The following CHST11 variants were observed in gnomAD, a reference collection of about 807,000 sequenced individuals.
CHST11 encodes C4S-1.
A neutral mutation model predicts 30.4 loss-of-function variants in CHST11; 9 were observed. The ratio of observed to expected loss-of-function variants is 0.30; its 90% CI spans 0.18 to 0.52. The LOEUF (loss-of-function observed/expected upper bound fraction) is 0.52. Ranked by LOEUF, CHST11 falls within the 20% of genes least tolerant of loss-of-function variation. The probability of loss-of-function intolerance (pLI) is 0.97; values close to 1 mark genes in which losing one functional copy is unlikely to be tolerated. For synonymous variants in CHST11, 152 were observed against 187.8 expected (o/e 0.81, Z 1.56); for missense variants, 348 against 460.6 (o/e 0.76, Z 2.24).
intron 2 of CHST11, among the ~76,000 whole-genome samples, chr12:104,637,771 C>CA (rs2136072518): frequency 6.6e-6 from 1 of 152,334 alleles, no homozygotes; most frequent in South Asian, 2.1e-4. Flanking sequence ...CTCTGACCTT[C>CA]AACCCATCTG....
At chr12:104,605,152 C>CAAA (rs3039180) in intron 2 of CHST11, among the ~76,000 whole-genome samples, 3 of 93,510 alleles carry the variant, frequency 3.2e-5, no homozygotes, top group Non-Finnish European at 4.5e-5. Flanking sequence ...ATCCCCTCTC[C>CAAA]AAAAAAAAAA....
At chr12:104,481,258 G>A (rs1281624681) in intron 1 of CHST11, among the ~76,000 whole-genome samples, 3 of 152,090 alleles carry the variant, frequency 2.0e-5, no homozygotes, top group Admixed American at 1.3e-4. Flanking sequence ...CTGGACTTGC[G>A]CCACTCTGCC....
At chr12:104,678,633 T>C (rs190671588) in intron 2 of CHST11, among the ~76,000 whole-genome samples, 120 of 152,352 alleles carry the variant, frequency 7.9e-4, no homozygotes, top group Admixed American at 2.5e-3. Flanking sequence ...GTATCAGTTA[T>C]CCGTTGCTAC....
intron 1 of CHST11, chr12:104,553,246 T>G (rs2038421634): frequency 2.0e-5 from 3 of 152,136 alleles, no homozygotes; most frequent in Admixed American, 2.0e-4. Context: ...ATGGTGGTGG[T>G]GGGGATGGTT....
At chr12:104,640,795 A>T (rs1370590267) in intron 2 of CHST11, among the ~76,000 whole-genome samples, 2 of 152,228 alleles carry the variant, frequency 1.3e-5, no homozygotes, top group Admixed American at 6.5e-5. Context: ...CAAGATATTA[A>T]TGATAGGGAC....
Position 104,561,066 on chromosome 12 carries a change from C to G in CHST11, c.119-40840C>G, listed in dbSNP as rs183364291. 3.3e-5 allele frequency among the ~76,000 whole-genome samples: 5 copies of G among 152,298 alleles called. No individual in the cohort carries two copies. The East Asian group carries it at 9.6e-4, about 29-fold the overall frequency. On this transcript the variant is annotated intron_variant, in intron 1 of 2. Coordinates refer to ENST00000303694, the MANE Select transcript of CHST11 (RefSeq NM_018413.6). The stretch of plus-strand genomic sequence containing the variant: ...ACTTCCTTATGGTACTTTTTCCCAT[C>G]TGCGAGATGAGTAAGATAATTTTAC...
At chr12:104,514,307 G>C in intron 1 of CHST11, 1 of 916,192 alleles carries the variant, frequency 1.1e-6, no homozygotes, top group Non-Finnish European at 1.8e-6. Flanking sequence ...TTGGCAGCCT[G>C]ATCATTGGCT....
Position 104,512,342 on chromosome 12 carries a change from G to A in CHST11, c.118+54813G>A, listed in dbSNP as rs376626716. Reference sequence around the variant, plus strand: ...TAGTAGTATCTGTGATATCATTTAGGGCTCCTGTTTTATAGATTCAGTTCC... The same window carrying A: ...TAGTAGTATCTGTGATATCATTTAGAGCTCCTGTTTTATAGATTCAGTTCC... On this transcript the variant is annotated intron_variant, in intron 1 of 2. Coordinates refer to ENST00000303694, the MANE Select transcript of CHST11 (RefSeq NM_018413.6). 4.3e-4 allele frequency among the ~76,000 whole-genome samples: 65 copies of A among 152,226 alleles called. 1 individual carries two copies. The highest frequency in any genetic ancestry group is 1.5e-3 in the African/African-American group (61 of 41,518).
chr12:104,688,159 A>G (rs1249078716), intron 2 of CHST11, among the ~76,000 whole-genome samples: 1 of 152,162 alleles, frequency 6.6e-6, no homozygotes, highest in Non-Finnish European at 1.5e-5. Flanking sequence ...AACAATAGGG[A>G]CCATTTTAAA....
intron 2 of CHST11, among the ~76,000 whole-genome samples, chr12:104,679,710 T>C (rs540206694): frequency 5.9e-5 from 9 of 152,154 alleles, no homozygotes; most frequent in Non-Finnish European, 1.2e-4. Flanking sequence ...CAGGCATCTT[T>C]CTTTCCCTTT....
Position 104,695,301 on chromosome 12 carries a change from G to A in CHST11, c.205-61648G>A, listed in dbSNP as rs932713071. Among the ~76,000 whole-genome samples the A allele has an allele frequency of 5.9e-5, 9 of 152,296 alleles. No individual in the cohort carries two copies. The South Asian group carries it at 1.9e-3, about 32-fold the overall frequency. The stretch of plus-strand genomic sequence containing the variant: ...CTCAGCTCAGCCCCCTCCAAGGCCT[G>A]ATAGTTTGAAGGCACTGAGGTAGAG... On this transcript the variant is annotated intron_variant, in intron 2 of 2. Coordinates refer to ENST00000303694, the MANE Select transcript of CHST11 (RefSeq NM_018413.6).
At chr12:104,482,325 G>C (rs887069431) in intron 1 of CHST11, among the ~76,000 whole-genome samples, 1 of 145,468 alleles carries the variant, frequency 6.9e-6, no homozygotes, top group African/African-American at 2.6e-5. Flanking sequence ...CTGGGCCCCA[G>C]AGCCACATCA....
chr12:104,602,052 A>G (rs773717264), intron 2 of CHST11, 61 bp downstream of exon 2: 12 of 1,229,538 alleles, frequency 9.8e-6, no homozygotes, highest in Non-Finnish European at 1.4e-5. Flanking sequence ...TGGATACTAA[A>G]AACTCTAAAA....
At chr12:104,539,933 CAA>C (rs2038271453) in intron 1 of CHST11, among the ~76,000 whole-genome samples, 2 of 152,292 alleles carry the variant, frequency 1.3e-5, no homozygotes, top group Middle Eastern at 3.4e-3. Flanking sequence ...CTCAGCCTCC[CAA>C]AGTGCTGGGA....
chr12:104,565,504 T>C (rs1322726646), intron 1 of CHST11, among the ~76,000 whole-genome samples: 2 of 151,968 alleles, frequency 1.3e-5, no homozygotes, highest in African/African-American at 4.8e-5. Flanking sequence ...TGACCTCAAG[T>C]GATCCACCTG....
intron 2 of CHST11, among the ~76,000 whole-genome samples, chr12:104,672,133 T>C (rs1409503624): frequency 1.3e-5 from 2 of 152,178 alleles, no homozygotes; most frequent in Non-Finnish European, 2.9e-5. Flanking sequence ...TCTCCATCCC[T>C]GACAATGAAA....
At chr12:104,625,041 G>A (rs2039198861) in intron 2 of CHST11, among the ~76,000 whole-genome samples, 1 of 152,218 alleles carries the variant, frequency 6.6e-6, no homozygotes, top group South Asian at 2.1e-4. Flanking sequence ...TTGGAGGATA[G>A]AGCTTCAACA....
intron 2 of CHST11, among the ~76,000 whole-genome samples, chr12:104,745,386 T>C (rs2040382283): frequency 6.6e-6 from 1 of 152,234 alleles, no homozygotes; most frequent in African/African-American, 2.4e-5. Flanking sequence ...CCTCCAGCTT[T>C]GTTCTTTTTG....
intron 1 of CHST11, among the ~76,000 whole-genome samples, chr12:104,580,595 G>A (rs149940613): frequency 1.3e-5 from 2 of 152,180 alleles, no homozygotes; most frequent in Non-Finnish European, 2.9e-5. Flanking sequence ...AGCTAGGATT[G>A]TGCCCCATGC....
Sources: gnomAD v4.1 joint callset for allele counts (sites outside exome capture counted in the v4.1 genomes callset) on GRCh38, gnomAD v4.1.1 for gene constraint, MANE v1.5 for transcripts, NCBI Gene and HGNC (gene_info 2026-07-23, HGNC 2026-07-21) for gene names.